SULF2: variants seen among roughly 807,000 people sequenced by gnomAD.
The protein encoded by SULF2 is sulfatase 2, also known as extracellular sulfatase Sulf-2.
Under a neutral mutation model 107.7 loss-of-function variants are expected in SULF2, and 52 were observed. That is an observed-to-expected ratio of 0.48 (90% CI 0.39 to 0.61). The LOEUF (loss-of-function observed/expected upper bound fraction) is 0.61, where lower values mean the gene tolerates loss of function less well. Among genes scored for constraint, SULF2 ranks in the 20% least tolerant of loss-of-function variants. SULF2 has a pLI of 0.00. For synonymous variants in SULF2, 460 were observed against 464.3 expected (o/e 0.99, Z 0.12); for missense variants, 993 against 1,177.3 (o/e 0.84, Z 2.29).
chr20:47,727,394 C>T (rs2089473706), intron 3 of SULF2, among the ~76,000 whole-genome samples: 2 of 152,168 alleles, frequency 1.3e-5, no homozygotes, highest in African/African-American at 4.8e-5. Context: ...CCCCCAGGAA[C>T]TCAAGGGCAA....
At chr20:47,674,800 G>A (rs1339023826) in intron 10 of SULF2, among the ~76,000 whole-genome samples, 1 of 152,176 alleles carries the variant, frequency 6.6e-6, no homozygotes, top group Admixed American at 6.5e-5. Flanking sequence ...ACTGGGCAGG[G>A]CATTCCAGAA....
intron 2 of SULF2, among the ~76,000 whole-genome samples, chr20:47,740,197 A>G (rs1373894221): frequency 1.3e-5 from 2 of 152,168 alleles, no homozygotes; most frequent in Non-Finnish European, 2.9e-5. Context: ...GGCCCATTTG[A>G]CAGAAGAGGG....
At chr20:47,724,338 C>A (rs2089379137) in intron 3 of SULF2, among the ~76,000 whole-genome samples, 1 of 152,208 alleles carries the variant, frequency 6.6e-6, no homozygotes, top group Non-Finnish European at 1.5e-5. Flanking sequence ...TCTTGCCACT[C>A]CATGCATTCC....
chr20:47,699,597 C>A (rs1480362964), intron 4 of SULF2, among the ~76,000 whole-genome samples: 1 of 151,992 alleles, frequency 6.6e-6, no homozygotes, highest in East Asian at 1.9e-4. Context: ...TCAACTTGAT[C>A]CCACTGACTC....
intron 3 of SULF2, among the ~76,000 whole-genome samples, chr20:47,712,448 A>C (rs1276746687): frequency 1.3e-5 from 2 of 152,090 alleles, no homozygotes; most frequent in East Asian, 3.9e-4. Context: ...TATTTCCTCT[A>C]CAGCACTCTG....
At chr20:47,679,034 C>T (rs867773190) in intron 7 of SULF2, among the ~76,000 whole-genome samples, 6 of 144,480 alleles carry the variant, frequency 4.2e-5, no homozygotes, top group Admixed American at 6.9e-5. Flanking sequence ...CAGCTCATGC[C>T]GTGAGCTGAC....
chr20:47,785,238 G>A (rs1209150351), intron 1 of SULF2, 105 bp downstream of exon 1: 2 of 147,638 alleles, frequency 1.4e-5, no homozygotes, highest in Non-Finnish European at 3.0e-5. Context: ...TCACCTGGGC[G>A]GCGCTCGCGG....
At chr20:47,724,884 C>T (rs543753061) in intron 3 of SULF2, among the ~76,000 whole-genome samples, 8 of 152,262 alleles carry the variant, frequency 5.3e-5, no homozygotes, top group African/African-American at 1.4e-4. Flanking sequence ...TTTTGTAGAG[C>T]GCCCTTGTTT....
chr20:47,664,204 C>T lies in SULF2; in HGVS notation c.1998-15G>A, dbSNP rs1299584518. On this transcript the variant is annotated splice_polypyrimidine_tract_variant and intron_variant, in intron 14 of 20. Coordinates refer to ENST00000688720, the MANE Select transcript of SULF2 (RefSeq NM_001387048.1). ...GGGTGTGGTAGCTGTAACAGACCCC[C>T]CCAGCCCCAGGCTTCAGGAGTGGCT... is the stretch of plus-strand genomic sequence containing the variant. 3.1e-6 allele frequency: 5 copies of T among 1,608,730 alleles called. No homozygotes were observed. The highest frequency in any genetic ancestry group is 4.2e-6 in the Non-Finnish European group (5 of 1,177,916).
At chr20:47,674,885 G>T (rs1188115908) in intron 10 of SULF2, among the ~76,000 whole-genome samples, 4 of 152,162 alleles carry the variant, frequency 2.6e-5, no homozygotes, top group African/African-American at 7.2e-5. Flanking sequence ...TGCCTGGGAT[G>T]GGGGGCAGAC....
At chr20:47,704,145 G>A (rs1028633462) in intron 3 of SULF2, among the ~76,000 whole-genome samples, 17 of 152,150 alleles carry the variant, frequency 1.1e-4, no homozygotes, top group South Asian at 2.1e-4. Context: ...CCACATGCAC[G>A]CTTTACATCA....
intron 10 of SULF2, 96 bp downstream of exon 10, chr20:47,676,398 C>T (rs554785185): frequency 2.1e-6 from 3 of 1,434,066 alleles, no homozygotes; most frequent in East Asian, 2.4e-5. Context: ...TTGGGAGGCC[C>T]TGGCCCTGCT....
intron 2 of SULF2, 64 bp from the exon 3 acceptor site, chr20:47,737,006 G>A (rs1416073802): frequency 2.5e-6 from 4 of 1,603,186 alleles, no homozygotes; most frequent in Non-Finnish European, 3.4e-6. Context: ...GCACCAGGGG[G>A]CTCTCAGCAC....
Position 47,757,213 on chromosome 20 carries a change from T to C in SULF2, c.151A>G (p.Thr51Ala). ...NIRPNIILVL[T>A]DDQDVELGSM... ...CCCAGCTCCACATCCTGGTCGTCCG[T>C]CAGCACCAGGATGATGTTGGGGCGG... Residue 51 changes from threonine to alanine, a missense_variant, in exon 2 of 21, where the codon ACG becomes GCG. Coordinates refer to ENST00000688720, the MANE Select transcript of SULF2 (RefSeq NM_001387048.1). 1 of 1,560,586 alleles carries C rather than the reference T, an allele frequency of 6.4e-7. No individual in the cohort carries two copies. The highest frequency in any genetic ancestry group is 8.7e-7 in the Non-Finnish European group (1 of 1,151,366).
chr20:47,659,569 C>G, intron 19 of SULF2, 117 bp from the exon 20 acceptor site: 1 of 1,382,624 alleles, frequency 7.2e-7, no homozygotes, highest in Non-Finnish European at 1.0e-6. Flanking sequence ...GTGGGTGATC[C>G]TGGTCTCGGG....
chr20:47,676,805 A>C (rs1338401254), intron 9 of SULF2, 182 bp from the exon 10 acceptor site: 1 of 730,988 alleles, frequency 1.4e-6, no homozygotes, highest in Non-Finnish European at 2.2e-6. Flanking sequence ...GAATTTTATA[A>C]GAAACTTCCC....
intron 3 of SULF2, among the ~76,000 whole-genome samples, chr20:47,727,602 C>G (rs999800062): frequency 6.6e-6 from 1 of 152,188 alleles, no homozygotes; most frequent in Non-Finnish European, 1.5e-5. Context: ...CCTGCCCCAT[C>G]GGCCTCACAT....
At chr20:47,662,170 G>C (rs917011561) in intron 17 of SULF2, among the ~76,000 whole-genome samples, 2 of 152,162 alleles carry the variant, frequency 1.3e-5, no homozygotes, top group Non-Finnish European at 2.9e-5. Flanking sequence ...TGCAGCCACT[G>C]GTCAGGAAAC....
intron 4 of SULF2, 122 bp downstream of exon 4, chr20:47,702,397 G>T: frequency 1.7e-6 from 2 of 1,143,046 alleles, no homozygotes; most frequent in Non-Finnish European, 1.2e-6. Context: ...TATGTAAAAT[G>T]CTCAAGGTCA....
Sources: gnomAD v4.1 joint callset for allele counts (sites outside exome capture counted in the v4.1 genomes callset) on GRCh38, gnomAD v4.1.1 for gene constraint, MANE v1.5 for transcripts, NCBI Gene and HGNC (gene_info 2026-07-23, HGNC 2026-07-21) for gene names.